The following MRPS33 variants were observed in gnomAD, a reference collection of about 807,000 sequenced individuals.
MRPS33 encodes the protein mitochondrial ribosomal protein S33.
A neutral mutation model predicts 11.2 loss-of-function variants in MRPS33; 11 were observed. That is an observed-to-expected ratio of 0.99 (90% CI 0.62 to 1.63). The LOEUF (loss-of-function observed/expected upper bound fraction) is 1.63. Ranked by LOEUF, MRPS33 falls within the 40% of genes most tolerant of loss-of-function variation. The probability of loss-of-function intolerance (pLI) is 0.00; values close to 1 mark genes in which losing one functional copy is unlikely to be tolerated. For missense variants in MRPS33, 109 were observed against 127.8 expected, an observed-to-expected ratio of 0.85 and a Z score of 0.71; for synonymous variants, 46 against 44.0, an observed-to-expected ratio of 1.05 and a Z score of -0.18.
chr7:141,012,170 T>A (rs1820689663), intron 1 of MRPS33, among the ~76,000 whole-genome samples: 1 of 5,920 alleles, frequency 1.7e-4, no homozygotes. Flanking sequence ...CAAGATTGTG[T>A]GTCAAAAAAA....
At position 141,007,986 on chromosome 7, in the gene MRPS33, C is replaced by T. The variant is rs572569398; in HGVS notation, c.216-1451G>A. 6.6e-5 allele frequency among the ~76,000 whole-genome samples: 10 copies of T among 152,234 alleles called. No homozygotes were observed. The East Asian group carries it at 1.4e-3, about 21-fold the overall frequency. On this transcript the variant is annotated intron_variant, in intron 2 of 2. Coordinates refer to ENST00000324787, the MANE Select transcript of MRPS33 (RefSeq NM_053035.3). ...GTTGGACAGAAAGAAAGCTTTCTGG[C>T]GACTCTGTCTCTGTTGATGATACAA...
chr7:141,011,789 A>G, intron 1 of MRPS33, among the ~76,000 whole-genome samples: 1 of 152,114 alleles, frequency 6.6e-6, no homozygotes. Flanking sequence ...GAATTTCAAA[A>G]TAGTTCTTGT....
chr7:141,006,643 C>T (rs1225873793), intron 2 of MRPS33, 108 bp from the exon 3 acceptor site: 3 of 932,792 alleles, frequency 3.2e-6, no homozygotes, highest in Non-Finnish European at 5.0e-6. Flanking sequence ...CGATCTTTGA[C>T]TTTTACAAGT....
At chr7:141,012,194 A>AAAAAAAAAT in intron 1 of MRPS33, among the ~76,000 whole-genome samples, 1 of 149,728 alleles carries the variant, frequency 6.7e-6, no homozygotes. Flanking sequence ...AAAAAAAAAA[A>AAAAAAAAAT]GCAGAGGCTG....
In MRPS33 at chr7:141,010,643, G is replaced by T; in HGVS notation, c.-10C>A. On this transcript the variant is annotated 5_prime_UTR_variant, in exon 2 of 3. Transcript: ENST00000324787. ...CTGAAAGGGAGGACATTTCTTGAGT[G>T]GCAAGGAGTTAGAGTTCCTATTGAA... 1 of 1,611,602 alleles carries T rather than the reference G, an allele frequency of 6.2e-7. No homozygotes were observed. The highest frequency in any genetic ancestry group is 8.5e-7 in the Non-Finnish European group (1 of 1,177,820).
rs1198741133 is a variant in MRPS33, at chr7:141,006,381, T to C, written c.*49A>G. The stretch of plus-strand genomic sequence containing the variant: ...AGGTGGAAAGACAATAAATGCACTT[T>C]CTTCTCTCCGCCACTGAGGAAGAAA... On this transcript the variant is annotated 3_prime_UTR_variant, in exon 3 of 3. Coordinates refer to ENST00000324787, the MANE Select transcript of MRPS33 (RefSeq NM_053035.3). The C allele has an allele frequency of 7.3e-6, 11 of 1,497,412 alleles. No individual in the cohort carries two copies. In the Middle Eastern group the frequency reaches 9.5e-4, roughly 129 times the overall value. 92.8% of individuals were successfully genotyped at this position (1,497,412 alleles called of 1,614,324 possible). A position where few individuals can be genotyped will look rare whatever the true frequency, so the allele number is the denominator to read the frequency against.
In MRPS33 at chr7:141,002,639, G is replaced by A; in HGVS notation, c.*3791C>T. 4.0e-6 allele frequency: 1 copy of A among 247,872 alleles called. No homozygotes were observed. The highest frequency in any genetic ancestry group is 5.2e-5 in the South Asian group (1 of 19,258). The allele number at this position is 247,872 out of a possible 1,614,324, so 15.4% of individuals were successfully genotyped here. ...TTCAAATTTTGATTTATTCTTTCTTGGAAAATGATTTATAAATACAAGCAT... is the reference window on the plus strand; with the variant it reads ...TTCAAATTTTGATTTATTCTTTCTTAGAAAATGATTTATAAATACAAGCAT... On this transcript the variant is annotated 3_prime_UTR_variant, in exon 3 of 3. Transcript: ENST00000324787.
At chr7:141,014,046 C>T (rs770690975) in intron 1 of MRPS33, among the ~76,000 whole-genome samples, 2 of 152,114 alleles carry the variant, frequency 1.3e-5, no homozygotes, top group Non-Finnish European at 2.9e-5. Flanking sequence ...TTCCCAAAAA[C>T]CATTGGTTAG....
intron 2 of MRPS33, among the ~76,000 whole-genome samples, chr7:141,008,984 G>A (rs1820605352): frequency 2.6e-5 from 4 of 151,144 alleles, no homozygotes; most frequent in Admixed American, 2.6e-4. Flanking sequence ...TAGTAGAGAC[G>A]GGGTTTCACC....
intron 2 of MRPS33, among the ~76,000 whole-genome samples, chr7:141,007,114 G>T (rs1433294504): frequency 6.6e-6 from 1 of 152,148 alleles, no homozygotes; most frequent in Admixed American, 6.6e-5. Flanking sequence ...TAAGTATGTG[G>T]ATGGCACAGA....
rs774990139 is a variant in MRPS33 at position 141,010,371 on chromosome 7, CTACTGAAAAAAAG to C, written c.215+35_215+47del. On this transcript the variant is annotated intron_variant, in intron 2 of 2. Coordinates refer to ENST00000324787, the MANE Select transcript of MRPS33 (RefSeq NM_053035.3). Reference sequence around the variant, plus strand: ...AGGCTAATTTTTTTCCTTTTCTGATCTACTGAAAAAAAGTCTCTCATAGGTCCCTCTTTGTGTT... The same window carrying C: ...AGGCTAATTTTTTTCCTTTTCTGATCTCTCTCATAGGTCCCTCTTTGTGTT... The C allele has an allele frequency of 4.0e-5, 63 of 1,573,628 alleles. No individual in the cohort carries two copies. In the African/African-American group the frequency reaches 7.9e-4, roughly 20 times the overall value.
Position 141,006,164 on chromosome 7 carries a change from A to C in MRPS33, c.*266T>G. The C allele has an allele frequency of 4.4e-6, 2 of 455,276 alleles. No individual in the cohort carries two copies. The highest frequency in any genetic ancestry group is 2.8e-5 in the South Asian group (1 of 35,528). The allele number at this position is 455,276 out of a possible 1,614,324, so 28.2% of individuals were successfully genotyped here. ...CCATCCCACCCCAAACAAATCATCA[A>C]ACAATAACTTAGGTATTTATTTCAT... is the stretch of plus-strand genomic sequence containing the variant. On this transcript the variant is annotated 3_prime_UTR_variant, in exon 3 of 3. Coordinates refer to ENST00000324787, the MANE Select transcript of MRPS33 (RefSeq NM_053035.3).
chr7:141,006,871 G>A (rs920288170), intron 2 of MRPS33, among the ~76,000 whole-genome samples: 2 of 152,170 alleles, frequency 1.3e-5, no homozygotes, highest in African/African-American at 4.8e-5. Context: ...ACTAAACAGA[G>A]AGGAGACAAA....
chr7:141,006,373 A>G lies in MRPS33; in HGVS notation c.*57T>C. The G allele has an allele frequency of 7.1e-7, 1 of 1,417,362 alleles. No homozygotes were observed. 87.8% of individuals were successfully genotyped at this position (1,417,362 alleles called of 1,614,324 possible). On this transcript the variant is annotated 3_prime_UTR_variant, in exon 3 of 3. Transcript: ENST00000324787. ...CCTCCAATAGGTGGAAAGACAATAA[A>G]TGCACTTTCTTCTCTCCGCCACTGA...
rs953515823 is a variant in MRPS33, at chr7:141,002,722, A to G, written c.*3708T>C. 2.9e-5 allele frequency: 5 copies of G among 169,710 alleles called. No homozygotes were observed. Among genetic ancestry groups the G allele is most frequent in the Admixed American group, 1.2e-4 (2 of 16,856 alleles). The allele number at this position is 169,710 out of a possible 1,614,324, so 10.5% of individuals were successfully genotyped here. A position where few individuals can be genotyped will look rare whatever the true frequency, so the allele number is the denominator to read the frequency against. ...TATGTTTATTTTGAAACACACACAT[A>G]TATGGTGCTTAAAAAATAAACTTAT... On this transcript the variant is annotated 3_prime_UTR_variant, in exon 3 of 3. Transcript: ENST00000324787.
chr7:141,006,684 G>T, intron 2 of MRPS33, 149 bp from the exon 3 acceptor site: 1 of 663,210 alleles, frequency 1.5e-6, no homozygotes, highest in Non-Finnish European at 2.6e-6. Flanking sequence ...TGAACAAAAA[G>T]TATAGGGAGT....
intron 2 of MRPS33, chr7:141,009,803 GT>G (rs1284116070): frequency 9.7e-4 from 133 of 136,752 alleles, no homozygotes; most frequent in South Asian, 3.5e-3. Flanking sequence ...TCTCTGCATT[GT>G]TTTTTTTTTT....
At chr7:141,013,324 T>G (rs1043834439) in intron 1 of MRPS33, among the ~76,000 whole-genome samples, 3 of 152,228 alleles carry the variant, frequency 2.0e-5, no homozygotes, top group African/African-American at 4.8e-5. Context: ...ACATAACTTG[T>G]AAGTAAAAAG....
At chr7:141,013,786 A>G (rs1563069279) in intron 1 of MRPS33, among the ~76,000 whole-genome samples, 1 of 152,200 alleles carries the variant, frequency 6.6e-6, no homozygotes, top group Non-Finnish European at 1.5e-5. Flanking sequence ...AAATTCCCAT[A>G]TTTTTACTTT....
Sources: gnomAD v4.1 joint callset for allele counts (sites outside exome capture counted in the v4.1 genomes callset) on GRCh38, gnomAD v4.1.1 for gene constraint, MANE v1.5 for transcripts, NCBI Gene and HGNC (gene_info 2026-07-23, HGNC 2026-07-21) for gene names.